TNFRSF10A: variants seen among roughly 807,000 people sequenced by gnomAD.
TNFRSF10A encodes tumor necrosis factor receptor superfamily member 10A.
Under a neutral mutation model 42.8 loss-of-function variants are expected in TNFRSF10A, and 44 were observed. That is an observed-to-expected ratio of 1.03 (90% CI 0.81 to 1.32). The LOEUF is 1.32. TNFRSF10A is among the 40% of genes most tolerant of loss of function. TNFRSF10A has a pLI of 0.00. For missense variants in TNFRSF10A, 680 were observed against 602.0 expected (o/e 1.13, Z -1.36); for synonymous variants, 259 against 234.2 (o/e 1.11, Z -0.97).
chr8:23,212,910 G>A (rs945121991), intron 1 of TNFRSF10A, among the ~76,000 whole-genome samples: 14 of 152,112 alleles, frequency 9.2e-5, no homozygotes, highest in Admixed American at 2.6e-4. Flanking sequence ...GGTAATGCGG[G>A]GCCCACACGA....
chr8:23,212,923 A>G (rs1002098120), intron 1 of TNFRSF10A, among the ~76,000 whole-genome samples: 6 of 152,222 alleles, frequency 3.9e-5, no homozygotes, highest in Non-Finnish European at 7.3e-5. Context: ...CCACACGAAG[A>G]GTTAGAAAGT....
At chr8:23,219,375 G>A (rs1801226562) in intron 1 of TNFRSF10A, among the ~76,000 whole-genome samples, 1 of 137,540 alleles carries the variant, frequency 7.3e-6, no homozygotes, top group Non-Finnish European at 1.6e-5. Flanking sequence ...GGACCCCGAA[G>A]AGTCCTGTGG....
chr8:23,203,809 G>A (rs897465232), intron 2 of TNFRSF10A, among the ~76,000 whole-genome samples: 17 of 141,736 alleles, frequency 1.2e-4, no homozygotes, highest in Admixed American at 1.1e-3. Flanking sequence ...ATGGAGTCTC[G>A]CTCTCTCACC....
intron 1 of TNFRSF10A, among the ~76,000 whole-genome samples, chr8:23,220,962 C>T (rs1394408294): frequency 2.6e-5 from 4 of 152,176 alleles, no homozygotes; most frequent in Admixed American, 1.3e-4. Context: ...TGGAAGGAAA[C>T]GTGGCAGGTA....
intron 2 of TNFRSF10A, among the ~76,000 whole-genome samples, chr8:23,207,823 C>G (rs930582169): frequency 6.6e-6 from 1 of 151,388 alleles, no homozygotes; most frequent in African/African-American, 2.4e-5. Flanking sequence ...CTTCCCCAGC[C>G]ACGTAGAACT....
At chr8:23,196,259 T>C (rs1462663114) in intron 9 of TNFRSF10A, among the ~76,000 whole-genome samples, 1 of 152,172 alleles carries the variant, frequency 6.6e-6, no homozygotes, top group Admixed American at 6.5e-5. Flanking sequence ...AGTAGCGCTA[T>C]CTTGGCTCAC....
chr8:23,210,597 G>A (rs933894693), intron 2 of TNFRSF10A, among the ~76,000 whole-genome samples: 1 of 152,164 alleles, frequency 6.6e-6, no homozygotes, highest in Non-Finnish European at 1.5e-5. Context: ...CAGGAGAATG[G>A]TGTGAACCCG....
intron 9 of TNFRSF10A, among the ~76,000 whole-genome samples, chr8:23,194,480 C>G (rs1382643855): frequency 6.6e-6 from 1 of 152,142 alleles, no homozygotes; most frequent in East Asian, 1.9e-4. Context: ...CAGTTTGGCA[C>G]AAAAACTTAA....
intron 2 of TNFRSF10A, among the ~76,000 whole-genome samples, chr8:23,211,702 T>A (rs1306005925): frequency 6.6e-6 from 1 of 152,196 alleles, no homozygotes; most frequent in Non-Finnish European, 1.5e-5. Context: ...GGAAAAGAAT[T>A]GAGAGTCCAA....
intron 2 of TNFRSF10A, among the ~76,000 whole-genome samples, chr8:23,208,747 C>T (rs768469851): frequency 4.6e-5 from 7 of 152,098 alleles, no homozygotes; most frequent in Admixed American, 6.5e-5. Flanking sequence ...TGAGCCACCG[C>T]GCCTGGCCGG....
In TNFRSF10A at chr8:23,191,978, CGATG is replaced by C; in HGVS notation, c.1119_1122del (p.Asn373LysfsTer11). 2 of 1,614,086 alleles carry C rather than the reference CGATG, an allele frequency of 1.2e-6. No individual in the cohort carries two copies. The highest frequency in any genetic ancestry group is 1.7e-6 in the Non-Finnish European group (2 of 1,180,030). The stretch of plus-strand genomic sequence containing the variant: ...AGCTGGTCCCAGGAGTCAAAGGGCA[CGATG>C]TTTGCAAACTTGTCAAAGAACAGCA... On this transcript the variant is annotated frameshift_variant, in exon 10 of 10. Transcript: ENST00000221132. LOFTEE classifies it low-confidence loss of function (END_TRUNC).
intron 2 of TNFRSF10A, among the ~76,000 whole-genome samples, chr8:23,204,926 A>G (rs1209511384): frequency 1.3e-5 from 2 of 152,168 alleles, no homozygotes; most frequent in African/African-American, 2.4e-5. Context: ...GAAATTGTCT[A>G]TTAAGGAAGA....
chr8:23,203,440 G>A lies in TNFRSF10A; in HGVS notation c.404-679C>T, dbSNP rs1240629714. 3.3e-5 allele frequency among the ~76,000 whole-genome samples: 5 copies of A among 152,198 alleles called. No homozygotes were observed. In the East Asian group the frequency reaches 9.6e-4, roughly 29 times the overall value. ...TCAAAGAATGATCCACAGAAAGAAGGCCTACCTCATGCTGCCCTGGATTGC... is the reference window on the plus strand; with the variant it reads ...TCAAAGAATGATCCACAGAAAGAAGACCTACCTCATGCTGCCCTGGATTGC... On this transcript the variant is annotated intron_variant, in intron 2 of 9. Coordinates refer to ENST00000221132, the MANE Select transcript of TNFRSF10A (RefSeq NM_003844.4).
chr8:23,214,731 C>T (rs940940775), intron 1 of TNFRSF10A, among the ~76,000 whole-genome samples: 1 of 152,164 alleles, frequency 6.6e-6, no homozygotes, highest in South Asian at 2.1e-4. Context: ...TGTTCACATA[C>T]ACACAGACAT....
At chr8:23,197,096 C>G in intron 9 of TNFRSF10A, 36 bp downstream of exon 9, 1 of 1,613,874 alleles carries the variant, frequency 6.2e-7, no homozygotes, top group Non-Finnish European at 8.5e-7. Flanking sequence ...CCTATTCCCA[C>G]CATTTCTGCT....
In TNFRSF10A at chr8:23,207,088, C is replaced by G. The variant is rs781423163; in HGVS notation, c.404-4327G>C. 26 of 537,238 alleles carry G rather than the reference C, an allele frequency of 4.8e-5. No homozygotes were observed. In the East Asian group the frequency reaches 1.1e-3, roughly 23 times the overall value. 33.3% of individuals were successfully genotyped at this position (537,238 alleles called of 1,614,324 possible). On this transcript the variant is annotated intron_variant, in intron 2 of 9. Coordinates refer to ENST00000221132, the MANE Select transcript of TNFRSF10A (RefSeq NM_003844.4). ...CAAGATACTGAGACTCTGGAGAGCA[C>G]CCCCAGGAGAAACAAGCTTGACCAC...
In TNFRSF10A at chr8:23,191,564, T is replaced by C; in HGVS notation, c.*130A>G. The stretch of plus-strand genomic sequence containing the variant: ...ATCCACCCGCCTCAGCCTCCCAAAG[T>C]GCTGGGATTACAGGCATGAGCCACT... On this transcript the variant is annotated 3_prime_UTR_variant, in exon 10 of 10. Coordinates refer to ENST00000221132, the MANE Select transcript of TNFRSF10A (RefSeq NM_003844.4). The C allele has an allele frequency of 3.0e-6, 4 of 1,339,840 alleles. No individual in the cohort carries two copies. Among genetic ancestry groups the C allele is most frequent in the Non-Finnish European group, 3.9e-6 (4 of 1,014,806 alleles). 83.0% of individuals were successfully genotyped at this position (1,339,840 alleles called of 1,614,324 possible).
Position 23,199,388 on chromosome 8 carries a change from C to T in TNFRSF10A, c.892G>A (p.Glu298Lys), listed in dbSNP as rs754090248. Reference protein sequence around the residue: ...GPGAEDNAHNEILSNADSLST... With the variant: ...GPGAEDNAHNKILSNADSLST... Reference sequence around the variant, plus strand: ...AGCGAGTCTGCGTTGCTCAGAATCTCGTTGTGAGCATTGTCCTCAGCCCCA... The same window carrying T: ...AGCGAGTCTGCGTTGCTCAGAATCTTGTTGTGAGCATTGTCCTCAGCCCCA... Residue 298 changes from glutamate to lysine, a missense_variant, in exon 8 of 10, where the codon GAG (glutamate) becomes AAG (lysine). Physicochemically the swap from Glu to Lys is moderately conservative, Grantham distance 56. Transcript: ENST00000221132. 5 of 1,614,144 alleles carry T rather than the reference C, an allele frequency of 3.1e-6. No homozygotes were observed. The highest frequency in any genetic ancestry group is 1.7e-5 in the Admixed American group (1 of 60,026).
intron 1 of TNFRSF10A, among the ~76,000 whole-genome samples, chr8:23,218,583 ACTT>A (rs1801215876): frequency 6.6e-6 from 1 of 152,054 alleles, no homozygotes. Flanking sequence ...GGGGGAAGCC[ACTT>A]CTTCTCTAAA....
Sources: allele counts gnomAD v4.1 joint callset (sites outside exome capture counted in the v4.1 genomes callset), GRCh38; gene constraint gnomAD v4.1.1; transcripts MANE v1.5; gene names NCBI Gene and HGNC (gene_info 2026-07-23, HGNC 2026-07-21).